Variants in GNG12 observed in about 807,000 individuals in gnomAD.
GNG12 encodes the protein G protein subunit gamma 12, also known as guanine nucleotide-binding protein G(I)/G(S)/G(O) subunit gamma-12.
For synonymous variants in GNG12, 28 were observed against 29.7 expected (o/e 0.94, Z 0.19); for missense variants, 69 against 83.8 (o/e 0.82, Z 0.69).
At chr1:67,713,793 G>A (rs1646309796) in intron 2 of GNG12, among the ~76,000 whole-genome samples, 1 of 152,186 alleles carries the variant, frequency 6.6e-6, no homozygotes, top group Admixed American at 6.5e-5. Flanking sequence ...AGGGTTGTCA[G>A]GGGAGAAACA....
chr1:67,716,455 T>C (rs991905492), intron 2 of GNG12, among the ~76,000 whole-genome samples: 4 of 152,210 alleles, frequency 2.6e-5, no homozygotes, highest in Non-Finnish European at 5.9e-5. Flanking sequence ...GTAAGTAAAT[T>C]CCATGCAGCA....
At chr1:67,726,031 T>C (rs1424663987) in intron 2 of GNG12, among the ~76,000 whole-genome samples, 4 of 152,196 alleles carry the variant, frequency 2.6e-5, no homozygotes, top group African/African-American at 7.2e-5. Context: ...TATCACAAAA[T>C]GAGAGCATGA....
At chr1:67,707,468 C>A in intron 3 of GNG12, 126 bp downstream of exon 3, 1 of 695,916 alleles carries the variant, frequency 1.4e-6, no homozygotes, top group South Asian at 1.7e-5. Context: ...GACTCTCAGC[C>A]TGTTCTGGAA....
intron 1 of GNG12, among the ~76,000 whole-genome samples, chr1:67,828,040 G>C (rs933685122): frequency 2.6e-5 from 4 of 152,208 alleles, no homozygotes; most frequent in African/African-American, 9.7e-5. Context: ...GGGAGGTCAG[G>C]ATCTGTGGGT....
rs1170206054 is a variant in GNG12, at chr1:67,702,503, A to T, written c.*2948T>A. On this transcript the variant is annotated 3_prime_UTR_variant, in exon 4 of 4. Coordinates refer to ENST00000370982, the MANE Select transcript of GNG12 (RefSeq NM_018841.6). ...TTAAAGATTAGTAAAGTACAAAAAC[A>T]GTCTAAATAGAGAAAAAGCAAGTCA... The T allele has an allele frequency of 6.6e-6, 1 of 152,218 alleles. No individual in the cohort carries two copies. Among genetic ancestry groups the T allele is most frequent in the Non-Finnish European group, 1.5e-5 (1 of 68,044 alleles). 9.4% of individuals were successfully genotyped at this position (152,218 alleles called of 1,614,324 possible).
At chr1:67,829,733 T>G (rs1333951581) in intron 1 of GNG12, among the ~76,000 whole-genome samples, 1 of 152,140 alleles carries the variant, frequency 6.6e-6, no homozygotes, top group East Asian at 1.9e-4. Flanking sequence ...GTTCTAGGAG[T>G]GAAACGAATC....
At chr1:67,827,061 A>C (rs1647015081) in intron 1 of GNG12, among the ~76,000 whole-genome samples, 1 of 152,248 alleles carries the variant, frequency 6.6e-6, no homozygotes, top group Admixed American at 6.5e-5. Context: ...CTGAATCAAG[A>C]CAATTCTCTA....
chr1:67,747,417 G>A (rs777941927), intron 2 of GNG12, among the ~76,000 whole-genome samples: 9 of 152,222 alleles, frequency 5.9e-5, no homozygotes, highest in Non-Finnish European at 1.3e-4. Flanking sequence ...ACCGCGCCTA[G>A]CCCATAAAAA....
rs147718097 is a variant in GNG12, at chr1:67,756,683, A to C, written c.-27+20775T>G. On this transcript the variant is annotated intron_variant, in intron 2 of 3. Transcript: ENST00000370982. ...TCCTCATTTACCACATCTCACAGTTAGGTGAGCACAGGAATGGCTCTGGTC... is the reference window on the plus strand; with the variant it reads ...TCCTCATTTACCACATCTCACAGTTCGGTGAGCACAGGAATGGCTCTGGTC... 3.0e-4 allele frequency among the ~76,000 whole-genome samples: 46 copies of C among 152,330 alleles called. No homozygotes were observed. In the East Asian group the frequency reaches 8.3e-3, roughly 27 times the overall value.
intron 2 of GNG12, among the ~76,000 whole-genome samples, chr1:67,716,049 C>T (rs1646323661): frequency 6.6e-6 from 1 of 151,982 alleles, no homozygotes; most frequent in Admixed American, 6.6e-5. Flanking sequence ...GTTATGAGAG[C>T]AAAGAGCAAA....
chr1:67,800,180 A>G (rs1400654883), intron 1 of GNG12, among the ~76,000 whole-genome samples: 1 of 152,190 alleles, frequency 6.6e-6, no homozygotes, highest in Non-Finnish European at 1.5e-5. Flanking sequence ...TGTTCACTGA[A>G]AAATATTGGT....
intron 1 of GNG12, among the ~76,000 whole-genome samples, chr1:67,832,595 G>A (rs1300361104): frequency 6.9e-6 from 1 of 145,790 alleles, no homozygotes; most frequent in African/African-American, 2.5e-5. Context: ...CGGGATAACT[G>A]TCGGGGCAAT....
At chr1:67,782,981 T>C (rs954722561) in intron 1 of GNG12, among the ~76,000 whole-genome samples, 3 of 152,178 alleles carry the variant, frequency 2.0e-5, no homozygotes, top group Non-Finnish European at 2.9e-5. Flanking sequence ...TGTCGGATCC[T>C]CAACTAATGA....
intron 2 of GNG12, among the ~76,000 whole-genome samples, chr1:67,758,451 G>A (rs776880431): frequency 2.0e-5 from 3 of 152,194 alleles, no homozygotes; most frequent in Non-Finnish European, 4.4e-5. Flanking sequence ...CGGCCAGCTC[G>A]CTAACCTGGG....
At chr1:67,831,121 G>A (rs1647041917) in intron 1 of GNG12, among the ~76,000 whole-genome samples, 1 of 152,178 alleles carries the variant, frequency 6.6e-6, no homozygotes, top group African/African-American at 2.4e-5. Flanking sequence ...TCTCTTCCAA[G>A]TTAGGGCTCA....
At chr1:67,706,656 C>CTT (rs60300759) in intron 3 of GNG12, among the ~76,000 whole-genome samples, 2 of 141,266 alleles carry the variant, frequency 1.4e-5, no homozygotes, top group Admixed American at 6.9e-5. Context: ...TCTTTTCTTT[C>CTT]TTTTTTTTTT....
At chr1:67,828,287 C>T (rs78860153) in intron 1 of GNG12, among the ~76,000 whole-genome samples, 4,396 of 152,198 alleles carry the variant, frequency 0.029, 131 homozygotes, top group Non-Finnish European at 0.039. Context: ...GGAAGGTCAC[C>T]TAAAAGGAGT....
chr1:67,772,061 G>C (rs1646677965), intron 2 of GNG12, among the ~76,000 whole-genome samples: 1 of 152,188 alleles, frequency 6.6e-6, no homozygotes, highest in Non-Finnish European at 1.5e-5. Context: ...AAAACAATTA[G>C]AGTAAGTCTG....
intron 2 of GNG12, among the ~76,000 whole-genome samples, chr1:67,755,421 T>C (rs1285574146): frequency 1.3e-5 from 2 of 152,198 alleles, no homozygotes; most frequent in East Asian, 3.8e-4. Context: ...TTTTAGACTG[T>C]GGTCTTTTTA....
Sources: allele counts gnomAD v4.1 joint callset (sites outside exome capture counted in the v4.1 genomes callset), GRCh38; gene constraint gnomAD v4.1.1; transcripts MANE v1.5; gene names NCBI Gene and HGNC (gene_info 2026-07-23, HGNC 2026-07-21).